The following NSD3 variants were observed in gnomAD, a reference collection of about 807,000 sequenced individuals.
NSD3 encodes histone-lysine N-methyltransferase NSD3.
NSD3 carries 24 observed loss-of-function variants against 160.8 expected under a neutral mutation model. That is an observed-to-expected ratio of 0.15 (90% confidence interval 0.11 to 0.21). The LOEUF (loss-of-function observed/expected upper bound fraction) is 0.21, where lower values mean the gene tolerates loss of function less well. Among genes scored for constraint, NSD3 ranks in the 10% least tolerant of loss-of-function variants. NSD3 has a pLI of 1.00. For missense variants in NSD3, 1,157 were observed against 1,735.9 expected (o/e 0.67, Z 5.93); for synonymous variants, 520 against 600.0 (o/e 0.87, Z 1.95).
chr8:38,303,005 C>T (rs1809311698), intron 14 of NSD3, among the ~76,000 whole-genome samples: 1 of 152,198 alleles, frequency 6.6e-6, no homozygotes. Flanking sequence ...AATTAATCTA[C>T]TGATGGCATT....
rs975686701 is a variant in NSD3 at position 38,272,617 on chromosome 8, T to C, written c.*3024A>G. ...AGTTTCTGAAGCTTTAGGCTGATTA[T>C]CAAAAATCTTATGTTCACTTCTTCC... On this transcript the variant is annotated 3_prime_UTR_variant, in exon 24 of 24. Transcript: ENST00000317025. The C allele has an allele frequency of 2.6e-5, 4 of 152,214 alleles. No homozygotes were observed. Among genetic ancestry groups the C allele is most frequent in the Admixed American group, 1.3e-4 (2 of 15,270 alleles). 9.4% of individuals were successfully genotyped at this position (152,214 alleles called of 1,614,324 possible).
chr8:38,316,145 T>C lies in NSD3; in HGVS notation c.1856-103A>G. The stretch of plus-strand genomic sequence containing the variant: ...TTTCTTTTCTCAAACTCATCTTTAG[T>C]GTGGAAAAAGCATAGCTCTCTTTGT... On this transcript the variant is annotated intron_variant, in intron 9 of 23. Transcript: ENST00000317025. The surrounding 1 kb of genome is among the most constrained non-coding windows in gnomAD (Gnocchi z 4.5). The C allele has an allele frequency of 6.8e-7, 1 of 1,475,044 alleles. No homozygotes were observed. Among genetic ancestry groups the C allele is most frequent in the South Asian group, 1.3e-5 (1 of 75,012 alleles). The allele number at this position is 1,475,044 out of a possible 1,614,324, so 91.4% of individuals were successfully genotyped here. A position where few individuals can be genotyped will look rare whatever the true frequency, so the allele number is the denominator to read the frequency against.
In NSD3 at chr8:38,278,239, A is replaced by G. The variant is rs189150844; in HGVS notation, c.3867+67T>C. On this transcript the variant is annotated intron_variant, in intron 22 of 23. Coordinates refer to ENST00000317025, the MANE Select transcript of NSD3 (RefSeq NM_023034.2). ...AGGCATGAGCCACCGCGCCCGGCCA[A>G]ACAGACTTCTTAACAGCCCTACTCC... 2.9e-5 allele frequency: 43 copies of G among 1,475,632 alleles called. No individual in the cohort carries two copies. In the East Asian group the frequency reaches 8.7e-4, roughly 30 times the overall value. The allele number at this position is 1,475,632 out of a possible 1,614,324, so 91.4% of individuals were successfully genotyped here. A position where few individuals can be genotyped will look rare whatever the true frequency, so the allele number is the denominator to read the frequency against.
chr8:38,365,898 A>G (rs916681048), intron 1 of NSD3, among the ~76,000 whole-genome samples: 8 of 152,114 alleles, frequency 5.3e-5, no homozygotes, highest in African/African-American at 1.9e-4. Flanking sequence ...GCTATAGTAA[A>G]AAGATTTAAA....
In NSD3 at chr8:38,279,502, C is replaced by T. The variant is rs747042674; in HGVS notation, c.3760+38G>A. ...TAGCTCTATAGGATATTCTTTCTTC[C>T]TAGGGAGGAAAGCATGGGGAACGAG... On this transcript the variant is annotated intron_variant, in intron 21 of 23. Coordinates refer to ENST00000317025, the MANE Select transcript of NSD3 (RefSeq NM_023034.2). 4 of 1,607,840 alleles carry T rather than the reference C, an allele frequency of 2.5e-6. No homozygotes were observed. The African/African-American group carries it at 4.0e-5, about 16-fold the overall frequency.
At chr8:38,278,076 C>A (rs1421610016) in intron 22 of NSD3, among the ~76,000 whole-genome samples, 2 of 151,934 alleles carry the variant, frequency 1.3e-5, no homozygotes, top group Non-Finnish European at 2.9e-5. Context: ...GTAGCTGGGA[C>A]TACAGGCACC....
At position 38,275,251 on chromosome 8, in the gene NSD3, T is replaced by C. The variant is rs1808571767; in HGVS notation, c.*390A>G. On this transcript the variant is annotated 3_prime_UTR_variant, in exon 24 of 24. Transcript: ENST00000317025. ...TGAAATTCCTAAAAATGAAAATAAATAAAGGAATGATGGCTACTTTTGCTT... is the reference window on the plus strand; with the variant it reads ...TGAAATTCCTAAAAATGAAAATAAACAAAGGAATGATGGCTACTTTTGCTT... 2 of 259,532 alleles carry C rather than the reference T, an allele frequency of 7.7e-6. No individual in the cohort carries two copies. Among genetic ancestry groups the C allele is most frequent in the Admixed American group, 5.0e-5 (1 of 20,114 alleles). 16.1% of individuals were successfully genotyped at this position (259,532 alleles called of 1,614,324 possible). A position where few individuals can be genotyped will look rare whatever the true frequency, so the allele number is the denominator to read the frequency against.
chr8:38,349,650 T>C (rs925357316), intron 1 of NSD3, among the ~76,000 whole-genome samples: 9 of 133,978 alleles, frequency 6.7e-5, no homozygotes, highest in Non-Finnish European at 1.2e-4. Flanking sequence ...TATTTTTTTA[T>C]TGTAATTTCT....
chr8:38,374,654 G>A (rs1563372750), intron 1 of NSD3, among the ~76,000 whole-genome samples: 1 of 152,122 alleles, frequency 6.6e-6, no homozygotes, highest in African/African-American at 2.4e-5. Context: ...TAACATGACA[G>A]TCTATTTGGC....
intron 5 of NSD3, among the ~76,000 whole-genome samples, chr8:38,331,197 A>G (rs1585893059): frequency 6.6e-6 from 1 of 152,332 alleles, no homozygotes; most frequent in Non-Finnish European, 1.5e-5. Flanking sequence ...ATAGAATTCA[A>G]TATTAAGCAG....
intron 1 of NSD3, among the ~76,000 whole-genome samples, chr8:38,362,853 C>CA (rs1342079522): frequency 6.6e-6 from 1 of 152,182 alleles, no homozygotes; most frequent in Non-Finnish European, 1.5e-5. Context: ...TAGAACATAA[C>CA]ACATGATGAG....
chr8:38,332,819 A>C (rs1447807864), intron 4 of NSD3, among the ~76,000 whole-genome samples: 3 of 152,178 alleles, frequency 2.0e-5, no homozygotes, highest in Non-Finnish European at 2.9e-5. Flanking sequence ...AGTAAAAAAA[A>C]ACTGATCTTT....
At chr8:38,337,269 A>G (rs752599730) in intron 4 of NSD3, 36 bp downstream of exon 4, 24 of 1,505,850 alleles carry the variant, frequency 1.6e-5, no homozygotes, top group Non-Finnish European at 2.0e-5. Context: ...TTTATTTCCA[A>G]CCTTTTACTT....
chr8:38,374,795 G>C (rs1373898623), intron 1 of NSD3, among the ~76,000 whole-genome samples: 2 of 152,114 alleles, frequency 1.3e-5, no homozygotes, highest in Non-Finnish European at 2.9e-5. Flanking sequence ...ACGAGGTCAG[G>C]AGATCGAGAC....
At chr8:38,307,127 AAT>A (rs1278226121) in intron 12 of NSD3, among the ~76,000 whole-genome samples, 212 of 141,654 alleles carry the variant, frequency 1.5e-3, no homozygotes, top group African/African-American at 3.1e-3. Flanking sequence ...AAAAAAAAAA[AAT>A]AAAATAAAAT....
intron 8 of NSD3, 124 bp downstream of exon 8, chr8:38,320,948 G>T (rs551946891): frequency 1.2e-6 from 1 of 829,664 alleles, no homozygotes; most frequent in Non-Finnish European, 1.9e-6. Flanking sequence ...CAGGACAGAA[G>T]CGTTAAGATA....
rs557001764 is a variant in NSD3, at chr8:38,288,464, C to T, written c.3501+23G>A. 1 of 1,608,456 alleles carries T rather than the reference C, an allele frequency of 6.2e-7. No homozygotes were observed. The highest frequency in any genetic ancestry group is 8.5e-7 in the Non-Finnish European group (1 of 1,176,128). ...AAAGCCAGGTTCTGGTCTCTTCCAC[C>T]CCCCACCACCATCCCATGCTACCTT... On this transcript the variant is annotated intron_variant, in intron 19 of 23. Coordinates refer to ENST00000317025, the MANE Select transcript of NSD3 (RefSeq NM_023034.2). The surrounding 1 kb of genome is among the most constrained non-coding windows in gnomAD (Gnocchi z 4.5).
intron 16 of NSD3, among the ~76,000 whole-genome samples, chr8:38,293,080 G>A (rs900338154): frequency 1.3e-5 from 2 of 150,790 alleles, no homozygotes; most frequent in Non-Finnish European, 3.0e-5. Flanking sequence ...AGAGGTTGCA[G>A]TGAGCCGAGA....
chr8:38,336,808 T>C (rs1810228401), intron 4 of NSD3, among the ~76,000 whole-genome samples: 1 of 152,154 alleles, frequency 6.6e-6, no homozygotes, highest in Non-Finnish European at 1.5e-5. Flanking sequence ...AGAAGCACTC[T>C]GCAATTTAAA....
Sources: gnomAD v4.1 joint callset for allele counts (sites outside exome capture counted in the v4.1 genomes callset) on GRCh38, gnomAD v4.1.1 for gene constraint, Gnocchi (gnomAD v3.1) non-coding constraint, MANE v1.5 for transcripts, NCBI Gene and HGNC (gene_info 2026-07-23, HGNC 2026-07-21) for gene names.